The following CNTN6 variants were observed in gnomAD, a reference collection of about 807,000 sequenced individuals.
CNTN6 encodes the protein contactin 6.
In CNTN6, 137 loss-of-function variants were observed where a neutral mutation model predicts 122.8. The observed-to-expected ratio is 1.12, with a 90% CI of 0.97 to 1.29. CNTN6 has a LOEUF of 1.29. CNTN6 is among the 50% of genes most tolerant of loss of function. The pLI is 0.00. For missense variants in CNTN6, 1,634 were observed against 1,223.4 expected, an observed-to-expected ratio of 1.34 and a Z score of -5.01; for synonymous variants, 570 against 426.0, an observed-to-expected ratio of 1.34 and a Z score of -4.16.
intron 1 of CNTN6, among the ~76,000 whole-genome samples, chr3:1,144,120 C>T (rs376034388): frequency 3.3e-5 from 5 of 152,248 alleles, no homozygotes; most frequent in African/African-American, 7.2e-5. Context: ...TTAGACACCA[C>T]GCCGAGTATT....
intron 2 of CNTN6, among the ~76,000 whole-genome samples, chr3:1,164,437 T>A (rs1035191622): frequency 1.3e-5 from 2 of 152,250 alleles, no homozygotes; most frequent in African/African-American, 2.4e-5. Context: ...CCTCCTAAAA[T>A]GAATCCTCTA....
At chr3:1,390,345 A>T (rs1693930714) in intron 20 of CNTN6, among the ~76,000 whole-genome samples, 1 of 151,884 alleles carries the variant, frequency 6.6e-6, no homozygotes, top group Non-Finnish European at 1.5e-5. Flanking sequence ...AGAAATAAAG[A>T]TGTTCTTTGA....
intron 1 of CNTN6, among the ~76,000 whole-genome samples, chr3:1,120,425 A>G (rs1382545297): frequency 6.6e-6 from 1 of 151,898 alleles, no homozygotes; most frequent in Non-Finnish European, 1.5e-5. Flanking sequence ...ATCTCATTGT[A>G]GCTTTAATTT....
chr3:1,297,640 T>TTC (rs1394897100), intron 6 of CNTN6, among the ~76,000 whole-genome samples: 2 of 118,588 alleles, frequency 1.7e-5, no homozygotes, highest in Non-Finnish European at 3.3e-5. Context: ...GTTTTTTTCT[T>TTC]TTTTTTTTTT....
At chr3:1,248,508 C>G (rs900006656) in intron 4 of CNTN6, among the ~76,000 whole-genome samples, 3 of 152,052 alleles carry the variant, frequency 2.0e-5, no homozygotes, top group African/African-American at 7.2e-5. Flanking sequence ...AAATTAAGTT[C>G]AGAGAAGTGA....
At chr3:1,304,643 A>G (rs1575623164) in intron 7 of CNTN6, among the ~76,000 whole-genome samples, 1 of 152,296 alleles carries the variant, frequency 6.6e-6, no homozygotes, top group Non-Finnish European at 1.5e-5. Context: ...TTTCCCATTT[A>G]TATTATCTAT....
chr3:1,150,396 C>T (rs964810720), intron 2 of CNTN6, among the ~76,000 whole-genome samples: 7 of 152,122 alleles, frequency 4.6e-5, no homozygotes, highest in Non-Finnish European at 1.0e-4. Flanking sequence ...TACTTTAAAT[C>T]TCCCTAGACT....
At chr3:1,370,483 C>T (rs1395859820) in intron 12 of CNTN6, among the ~76,000 whole-genome samples, 3 of 152,022 alleles carry the variant, frequency 2.0e-5, no homozygotes, top group African/African-American at 7.3e-5. Flanking sequence ...TGTGAAGAAG[C>T]CTTGGAATTA....
chr3:1,102,178 T>G (rs1277101793), intron 1 of CNTN6, among the ~76,000 whole-genome samples: 1 of 152,218 alleles, frequency 6.6e-6, no homozygotes, highest in African/African-American at 2.4e-5. Flanking sequence ...TTTTGCATAT[T>G]GTTTCAAGGT....
chr3:1,257,971 T>G, intron 4 of CNTN6, among the ~76,000 whole-genome samples: 1 of 152,174 alleles, frequency 6.6e-6, no homozygotes, highest in South Asian at 2.1e-4. Context: ...AGGAACTGCC[T>G]TGAAGTCCAT....
chr3:1,274,735 GT>G (rs1312829361), intron 4 of CNTN6, among the ~76,000 whole-genome samples: 1 of 152,118 alleles, frequency 6.6e-6, no homozygotes, highest in Non-Finnish European at 1.5e-5. Context: ...TTTTAGATTA[GT>G]GTATCTGAAC....
chr3:1,280,034 C>T (rs979823616), intron 5 of CNTN6, among the ~76,000 whole-genome samples: 11 of 152,014 alleles, frequency 7.2e-5, no homozygotes, highest in South Asian at 2.1e-4. Flanking sequence ...GATTATTTTC[C>T]GGCACCATAA....
chr3:1,298,497 T>C (rs573265094), intron 7 of CNTN6: 3 of 152,438 alleles, frequency 2.0e-5, no homozygotes, highest in Admixed American at 2.0e-4. Context: ...CCTTCCCTGA[T>C]AGTGGAGGCA....
chr3:1,393,853 A>C (rs531724902), intron 20 of CNTN6, among the ~76,000 whole-genome samples: 21 of 152,282 alleles, frequency 1.4e-4, no homozygotes, highest in Non-Finnish European at 2.6e-4. Context: ...CATGTTTTAA[A>C]ATTCTTATTG....
At chr3:1,218,119 G>A (rs531158990) in intron 2 of CNTN6, among the ~76,000 whole-genome samples, 5 of 152,236 alleles carry the variant, frequency 3.3e-5, no homozygotes, top group African/African-American at 1.2e-4. Flanking sequence ...TGCAGGGCAG[G>A]GGTTAGGACA....
chr3:1,255,015 C>A (rs532777509), intron 4 of CNTN6, among the ~76,000 whole-genome samples: 35 of 152,134 alleles, frequency 2.3e-4, no homozygotes, highest in Admixed American at 7.2e-4. Flanking sequence ...TTGGCCCAGG[C>A]TGGGGCAACT....
intron 2 of CNTN6, among the ~76,000 whole-genome samples, chr3:1,157,419 G>T (rs559317030): frequency 1.3e-5 from 2 of 151,650 alleles, no homozygotes; most frequent in Non-Finnish European, 2.9e-5. Flanking sequence ...GCTTCACCAC[G>T]TTAGCTAGCC....
At chr3:1,268,898 A>G (rs950654209) in intron 4 of CNTN6, among the ~76,000 whole-genome samples, 1 of 151,946 alleles carries the variant, frequency 6.6e-6, no homozygotes, top group Non-Finnish European at 1.5e-5. Context: ...GGAGGATTGC[A>G]TGAGCCCAGA....
chr3:1,181,577 C>A (rs908599397), intron 2 of CNTN6, among the ~76,000 whole-genome samples: 14 of 152,190 alleles, frequency 9.2e-5, no homozygotes, highest in African/African-American at 3.1e-4. Flanking sequence ...TGTTGAGACA[C>A]AATATTATAG....
Sources: allele counts gnomAD v4.1 joint callset (sites outside exome capture counted in the v4.1 genomes callset), GRCh38; gene constraint gnomAD v4.1.1; transcripts MANE v1.5; gene names NCBI Gene and HGNC (gene_info 2026-07-23, HGNC 2026-07-21).